Variants in ATP2B1 observed in about 807,000 individuals in gnomAD.
ATP2B1 encodes plasma membrane calcium-transporting ATPase 1.
Under a neutral mutation model 124.2 loss-of-function variants are expected in ATP2B1, and 14 were observed. That is an observed-to-expected ratio of 0.11 (90% CI 0.07 to 0.18). The LOEUF is 0.18. Ranked by LOEUF, ATP2B1 falls within the 10% of genes least tolerant of loss-of-function variation. ATP2B1 has a pLI of 1.00. For missense variants in ATP2B1, 763 were observed against 1,466.1 expected (o/e 0.52, Z 7.83); for synonymous variants, 449 against 492.4 (o/e 0.91, Z 1.17).
At chr12:89,705,841 C>A (rs1174538378) in intron 1 of ATP2B1, among the ~76,000 whole-genome samples, 1 of 152,124 alleles carries the variant, frequency 6.6e-6, no homozygotes, top group East Asian at 1.9e-4. Flanking sequence ...GACTTATCTA[C>A]AGCTCAATAG....
At position 89,607,960 on chromosome 12, in the gene ATP2B1, A is replaced by G. The variant is rs559703726; in HGVS notation, c.2442+1977T>C. The stretch of plus-strand genomic sequence containing the variant: ...TCAACAAATCAAGAAAGTATGCTCT[A>G]AAATGCTATATCTGCCTGAAAATAG... On this transcript the variant is annotated intron_variant, in intron 15 of 20. Transcript: ENST00000428670. Among the ~76,000 whole-genome samples the G allele has an allele frequency of 1.5e-4, 23 of 152,284 alleles. 1 individual carries two copies. In the South Asian group the frequency reaches 4.6e-3, roughly 30 times the overall value.
intron 9 of ATP2B1, among the ~76,000 whole-genome samples, chr12:89,623,105 C>T (rs1401104040): frequency 6.6e-6 from 1 of 151,892 alleles, no homozygotes; most frequent in South Asian, 2.1e-4. Flanking sequence ...TTGTTAAATG[C>T]CTGAAAAGAA....
chr12:89,686,400 CT>C (rs1324132770), intron 1 of ATP2B1, among the ~76,000 whole-genome samples: 4 of 152,078 alleles, frequency 2.6e-5, no homozygotes, highest in Admixed American at 2.0e-4. Flanking sequence ...CTCTTCTCCC[CT>C]ACTACAAGAA....
intron 15 of ATP2B1, among the ~76,000 whole-genome samples, chr12:89,605,621 C>A (rs1876691869): frequency 6.6e-6 from 1 of 152,108 alleles, no homozygotes. Context: ...ATTCTGTTAT[C>A]ACAATACAAA....
At chr12:89,600,380 C>T (rs1875552042) in intron 19 of ATP2B1, among the ~76,000 whole-genome samples, 3 of 152,112 alleles carry the variant, frequency 2.0e-5, no homozygotes, top group Admixed American at 6.5e-5. Context: ...TAGTAATGGG[C>T]TTAAAATGAA....
chr12:89,591,251 T>C lies in ATP2B1; in HGVS notation c.3396A>G (p.Leu1132=), dbSNP rs1193655088. 3.1e-6 allele frequency: 5 copies of C among 1,612,410 alleles called. No individual in the cohort carries two copies. The highest frequency in any genetic ancestry group is 4.2e-6 in the Non-Finnish European group (5 of 1,179,048). Residue 1132 remains leucine (L), a synonymous_variant, in exon 21 of 21, where the codon TTA becomes TTG. Transcript: ENST00000428670. ...TCGAACTTCTTGATTCCGGTTTTTC[T>C]AACCCTTCATATAAAGAACTACGAA... ...NAFRSSLYEG[L]EKPESRSSIH... is the part of the protein sequence containing the mutation.
intron 2 of ATP2B1, among the ~76,000 whole-genome samples, chr12:89,652,635 T>C (rs1404190063): frequency 6.6e-6 from 1 of 152,254 alleles, no homozygotes; most frequent in East Asian, 1.9e-4. Context: ...ACCATTTGTA[T>C]GCTTGATCAG....
intron 1 of ATP2B1, among the ~76,000 whole-genome samples, chr12:89,698,317 A>C (rs1891412478): frequency 6.6e-6 from 1 of 152,250 alleles, no homozygotes; most frequent in South Asian, 2.1e-4. Flanking sequence ...AGCAATAACA[A>C]GAACTACTAA....
intron 1 of ATP2B1, among the ~76,000 whole-genome samples, chr12:89,660,667 A>G (rs1886593479): frequency 6.6e-6 from 1 of 152,190 alleles, no homozygotes; most frequent in Non-Finnish European, 1.5e-5. Flanking sequence ...AAAACAGTAC[A>G]CATCTTATTA....
rs564193985 is a variant in ATP2B1, at chr12:89,660,555, A to G, written c.-221-4448T>C. ...ATGTGTGTTCTCAGGCAGTAGGGCC[A>G]GGAACGTAATATCTAACAAAGGGAG... is the stretch of plus-strand genomic sequence containing the variant. On this transcript the variant is annotated intron_variant, in intron 1 of 20. Transcript: ENST00000428670. Among the ~76,000 whole-genome samples the G allele has an allele frequency of 4.6e-5, 7 of 152,346 alleles. No homozygotes were observed. In the South Asian group the frequency reaches 1.4e-3, roughly 32 times the overall value.
intron 19 of ATP2B1, among the ~76,000 whole-genome samples, chr12:89,601,089 A>T (rs1219946536): frequency 6.6e-6 from 1 of 152,224 alleles, no homozygotes; most frequent in Non-Finnish European, 1.5e-5. Flanking sequence ...CTAAAAAACA[A>T]GTTAAAAAAA....
rs1764305798 is a variant in ATP2B1, at chr12:89,603,276, AT to A, written c.2849-23del. The A allele has an allele frequency of 6.5e-7, 1 of 1,540,100 alleles. No individual in the cohort carries two copies. The highest frequency in any genetic ancestry group is 8.8e-7 in the Non-Finnish European group (1 of 1,134,850). The stretch of plus-strand genomic sequence containing the variant: ...TCTCCTGAAAGAATGAAAAATGACT[AT>A]TTTGTAATTATCATACCAAATTAGA... On this transcript the variant is annotated intron_variant, in intron 17 of 20. Coordinates refer to ENST00000428670, the MANE Select transcript of ATP2B1 (RefSeq NM_001366521.1). The surrounding 1 kb of genome is among the most constrained non-coding windows in gnomAD (Gnocchi z 4.3).
At chr12:89,655,324 T>C (rs971066269) in intron 2 of ATP2B1, among the ~76,000 whole-genome samples, 5 of 152,206 alleles carry the variant, frequency 3.3e-5, no homozygotes, top group African/African-American at 1.2e-4. Flanking sequence ...AAATGAAGGA[T>C]AGTGATCTGA....
At chr12:89,630,957 A>C (rs1002252665) in intron 5 of ATP2B1, among the ~76,000 whole-genome samples, 8 of 151,782 alleles carry the variant, frequency 5.3e-5, no homozygotes, top group African/African-American at 1.7e-4. Flanking sequence ...AATTTTGTAG[A>C]GACAGGGTCT....
chr12:89,642,379 G>A, intron 2 of ATP2B1, 24 bp from the exon 3 acceptor site: 2 of 1,581,116 alleles, frequency 1.3e-6, no homozygotes, highest in South Asian at 2.3e-5. Flanking sequence ...ACAAATTTCA[G>A]TGAACAGTTT....
chr12:89,652,473 A>G (rs1423785875), intron 2 of ATP2B1, among the ~76,000 whole-genome samples: 1 of 152,224 alleles, frequency 6.6e-6, no homozygotes, highest in Non-Finnish European at 1.5e-5. Flanking sequence ...AGTTTTACCT[A>G]ACTGAAATTC....
chr12:89,668,564 TGAG>T (rs1159104326), intron 1 of ATP2B1, among the ~76,000 whole-genome samples: 1 of 152,208 alleles, frequency 6.6e-6, no homozygotes, highest in African/African-American at 2.4e-5. Flanking sequence ...CACCATCTTT[TGAG>T]AAGATGCTTC....
intron 2 of ATP2B1, among the ~76,000 whole-genome samples, chr12:89,646,869 A>C (rs1884523764): frequency 6.6e-6 from 1 of 152,130 alleles, no homozygotes; most frequent in South Asian, 2.1e-4. Context: ...CATTAAGACA[A>C]GTGACTTAAT....
chr12:89,636,932 A>C (rs1297747707), intron 3 of ATP2B1, among the ~76,000 whole-genome samples: 4 of 152,216 alleles, frequency 2.6e-5, no homozygotes, highest in African/African-American at 9.6e-5. Context: ...TCTGTTTAAC[A>C]GTCAAGGCTG....
Sources: allele counts gnomAD v4.1 joint callset (sites outside exome capture counted in the v4.1 genomes callset), GRCh38; gene constraint gnomAD v4.1.1; non-coding constraint Gnocchi (gnomAD v3.1); transcripts MANE v1.5; gene names NCBI Gene and HGNC (gene_info 2026-07-23, HGNC 2026-07-21).